NOL4: variants seen among roughly 807,000 people sequenced by gnomAD.
The protein encoded by NOL4 is cancer/testis antigen 125.
NOL4 carries 17 observed loss-of-function variants against 75.9 expected under a neutral mutation model. The observed-to-expected ratio is 0.22, with a 90% CI of 0.15 to 0.34. NOL4 has a LOEUF of 0.34. Among genes scored for constraint, NOL4 ranks in the 10% least tolerant of loss-of-function variants. The pLI is 1.00. For missense variants in NOL4, 614 were observed against 793.5 expected (o/e 0.77, Z 2.72); for synonymous variants, 292 against 289.9 (o/e 1.01, Z -0.07).
intron 9 of NOL4, among the ~76,000 whole-genome samples, chr18:33,901,741 A>T (rs2065759158): frequency 6.6e-6 from 1 of 152,098 alleles, no homozygotes; most frequent in Non-Finnish European, 1.5e-5. Flanking sequence ...TGACATAATA[A>T]TTCTCTATAT....
At chr18:33,913,050 T>C (rs1017926973) in intron 9 of NOL4, among the ~76,000 whole-genome samples, 1 of 152,110 alleles carries the variant, frequency 6.6e-6, no homozygotes, top group Non-Finnish European at 1.5e-5. Flanking sequence ...ACATTTATTC[T>C]TCACTTTGTA....
chr18:34,001,635 CT>C (rs1338853807), intron 6 of NOL4: 1 of 152,088 alleles, frequency 6.6e-6, no homozygotes, highest in African/African-American at 2.4e-5. Flanking sequence ...ACACAATGAA[CT>C]TTCTACATAG....
chr18:34,099,227 G>A (rs949621623), intron 4 of NOL4, among the ~76,000 whole-genome samples: 2 of 151,494 alleles, frequency 1.3e-5, no homozygotes, highest in Non-Finnish European at 2.9e-5. Context: ...GCCTGGCATA[G>A]TGGCGGGCAC....
intron 5 of NOL4, among the ~76,000 whole-genome samples, chr18:34,046,868 A>C (rs571020471): frequency 1.3e-5 from 2 of 151,664 alleles, no homozygotes; most frequent in Non-Finnish European, 2.9e-5. Context: ...AAGGAACACA[A>C]TTACCTCTTT....
At chr18:34,164,412 C>A (rs1423189897) in intron 1 of NOL4, among the ~76,000 whole-genome samples, 2 of 152,100 alleles carry the variant, frequency 1.3e-5, no homozygotes, top group Admixed American at 1.3e-4. Flanking sequence ...AACAAACAAT[C>A]CCATCAAAAA....
intron 1 of NOL4, among the ~76,000 whole-genome samples, chr18:34,172,162 A>T (rs2033106514): frequency 6.6e-6 from 1 of 152,164 alleles, no homozygotes; most frequent in Non-Finnish European, 1.5e-5. Context: ...AAGATCAGGA[A>T]CTAAAAGATT....
intron 1 of NOL4, among the ~76,000 whole-genome samples, chr18:34,155,483 T>C (rs937788216): frequency 4.6e-5 from 7 of 151,986 alleles, no homozygotes; most frequent in African/African-American, 1.7e-4. Context: ...CACTGTTAGG[T>C]GATTTCCTTA....
intron 8 of NOL4, among the ~76,000 whole-genome samples, chr18:33,954,460 G>A (rs1247546218): frequency 3.3e-5 from 5 of 152,012 alleles, no homozygotes; most frequent in East Asian, 3.9e-4. Context: ...ATGCTCTTTC[G>A]AGAAACCTGA....
intron 1 of NOL4, among the ~76,000 whole-genome samples, chr18:34,168,458 G>C (rs2032669888): frequency 6.6e-6 from 1 of 151,336 alleles, no homozygotes; most frequent in African/African-American, 2.4e-5. Flanking sequence ...AAAAAGGTCT[G>C]CAGAGTAAAA....
chr18:34,079,719 A>G (rs903851615), intron 5 of NOL4, among the ~76,000 whole-genome samples: 1 of 152,124 alleles, frequency 6.6e-6, no homozygotes, highest in Non-Finnish European at 1.5e-5. Context: ...AGAAAAAAAA[A>G]GTTCTTATGT....
intron 5 of NOL4, among the ~76,000 whole-genome samples, chr18:34,041,572 A>G (rs141057860): frequency 2.4e-4 from 37 of 151,906 alleles, no homozygotes; most frequent in African/African-American, 8.9e-4. Context: ...AGCAATTTCT[A>G]GGAAGTGAAT....
chr18:33,951,196 A>C (rs1284416627), intron 8 of NOL4, among the ~76,000 whole-genome samples: 1 of 152,170 alleles, frequency 6.6e-6, no homozygotes, highest in East Asian at 1.9e-4. Context: ...ATTCCTCTGG[A>C]ATCAGTCAGG....
chr18:34,081,874 C>T (rs1186611587), intron 5 of NOL4, among the ~76,000 whole-genome samples: 1 of 152,082 alleles, frequency 6.6e-6, no homozygotes, highest in Non-Finnish European at 1.5e-5. Context: ...CAATTATTGT[C>T]AAGAGAGATT....
At chr18:34,013,047 G>T (rs1051358584) in intron 6 of NOL4, among the ~76,000 whole-genome samples, 2 of 151,852 alleles carry the variant, frequency 1.3e-5, no homozygotes, top group South Asian at 4.1e-4. Context: ...TGGCACTAGA[G>T]TTTATTTCCT....
At chr18:33,900,638 T>A (rs201066129) in intron 9 of NOL4, among the ~76,000 whole-genome samples, 1 of 152,172 alleles carries the variant, frequency 6.6e-6, no homozygotes, top group African/African-American at 2.4e-5. Flanking sequence ...AACAGGTTTT[T>A]AAAAAAATTA....
At chr18:33,859,762 T>C (rs1033849731) in intron 10 of NOL4, among the ~76,000 whole-genome samples, 6 of 151,874 alleles carry the variant, frequency 4.0e-5, no homozygotes, top group Admixed American at 1.3e-4. Context: ...TTACTAAAAA[T>C]ACAAAAATTA....
intron 10 of NOL4, among the ~76,000 whole-genome samples, chr18:33,882,227 C>T (rs1599729714): frequency 6.6e-6 from 1 of 152,216 alleles, no homozygotes; most frequent in East Asian, 1.9e-4. Flanking sequence ...AACTAAAGAG[C>T]TTCTGCACAG....
intron 1 of NOL4, among the ~76,000 whole-genome samples, chr18:34,169,050 A>T (rs2032740169): frequency 6.6e-6 from 1 of 151,978 alleles, no homozygotes; most frequent in African/African-American, 2.4e-5. Context: ...AAATATCAAT[A>T]TCCTTTAGGC....
chr18:33,919,887 A>C (rs991901303), intron 9 of NOL4, among the ~76,000 whole-genome samples: 2 of 152,250 alleles, frequency 1.3e-5, no homozygotes, highest in Non-Finnish European at 2.9e-5. Context: ...AAAAATGATT[A>C]AGAGCATTTA....
Sources: gnomAD v4.1 joint callset for allele counts (sites outside exome capture counted in the v4.1 genomes callset) on GRCh38, gnomAD v4.1.1 for gene constraint, MANE v1.5 for transcripts, NCBI Gene and HGNC (gene_info 2026-07-23, HGNC 2026-07-21) for gene names.